Variants in TMED3 observed in about 807,000 individuals in gnomAD.
TMED3 encodes the protein transmembrane p24 trafficking protein 3, also known as transmembrane emp24 domain-containing protein 3.
A neutral mutation model predicts 15.0 loss-of-function variants in TMED3; 9 were observed. That is an observed-to-expected ratio of 0.60 (90% CI 0.36 to 1.04). The LOEUF (loss-of-function observed/expected upper bound fraction) is 1.04, where lower values mean the gene tolerates loss of function less well. TMED3 is among the 50% of genes least tolerant of loss of function. The pLI is 0.01. For synonymous variants in TMED3, 117 were observed against 121.4 expected, an observed-to-expected ratio of 0.96 and a Z score of 0.24; for missense variants, 267 against 278.9, an observed-to-expected ratio of 0.96 and a Z score of 0.30.
chr15:79,348,427 T>A lies in TMED3; in HGVS notation c.417+34422T>A, dbSNP rs188968527. On this transcript the variant is annotated intron_variant, in intron 2 of 2. Coordinates refer to the TMED3 transcript ENST00000424155. Reference sequence around the variant, plus strand: ...GTTTGCAATAGTAAAAAACCGAAAGTGAATTTACACATAAGAATGCTGATG... The same window carrying A: ...GTTTGCAATAGTAAAAAACCGAAAGAGAATTTACACATAAGAATGCTGATG... Among the ~76,000 whole-genome samples, 9 of 152,340 alleles carry A rather than the reference T, an allele frequency of 5.9e-5. No individual in the cohort carries two copies. In the East Asian group the frequency reaches 1.7e-3, roughly 29 times the overall value.
chr15:79,338,943 C>G (rs2058838562), intron 2 of TMED3, among the ~76,000 whole-genome samples: 1 of 152,128 alleles, frequency 6.6e-6, no homozygotes, highest in South Asian at 2.1e-4. Context: ...TTAGAGAAGA[C>G]TGTACTCCTC....
intron 2 of TMED3, among the ~76,000 whole-genome samples, chr15:79,320,855 A>G (rs2058763365): frequency 6.6e-6 from 1 of 152,172 alleles, no homozygotes; most frequent in Non-Finnish European, 1.5e-5. Flanking sequence ...CCCAAGCCTG[A>G]TGTCGAGGTG....
rs188192336 is a variant in TMED3 at position 79,391,135 on chromosome 15, G to A, written c.418-20265G>A. On this transcript the variant is annotated intron_variant, in intron 2 of 2. Coordinates refer to the TMED3 transcript ENST00000424155. Reference sequence around the variant, plus strand: ...CCTTTCTTCTGCTGGGTTTGAGTTTGGTTTGTTCTTGTTTCTCTAGTTTCT... The same window carrying A: ...CCTTTCTTCTGCTGGGTTTGAGTTTAGTTTGTTCTTGTTTCTCTAGTTTCT... Among the ~76,000 whole-genome samples the A allele has an allele frequency of 3.6e-3, 552 of 151,242 alleles. 5 individuals are homozygous for A. Among genetic ancestry groups the A allele is most frequent in the African/African-American group, 0.013 (520 of 41,214 alleles).
chr15:79,381,991 C>T (rs545350895), intron 2 of TMED3, among the ~76,000 whole-genome samples: 2 of 152,312 alleles, frequency 1.3e-5, no homozygotes, highest in East Asian at 3.9e-4. Flanking sequence ...CCCAGTTTCC[C>T]CATTAGTAAA....
At chr15:79,400,927 A>G (rs1310280329) in intron 2 of TMED3, among the ~76,000 whole-genome samples, 1 of 152,218 alleles carries the variant, frequency 6.6e-6, no homozygotes, top group Non-Finnish European at 1.5e-5. Flanking sequence ...CTGGCCTGCT[A>G]AGGTAGGCAT....
At chr15:79,353,296 TA>T (rs2058903883) in intron 2 of TMED3, among the ~76,000 whole-genome samples, 2 of 12,002 alleles carry the variant, frequency 1.7e-4, no homozygotes, top group Non-Finnish European at 3.0e-4. Flanking sequence ...ATTATATGTA[TA>T]TTATATATAT....
intron 2 of TMED3, among the ~76,000 whole-genome samples, chr15:79,380,598 T>G (rs62025990): frequency 0.63 from 91,827 of 146,200 alleles, 29,210 homozygotes; most frequent in East Asian, 0.84. Flanking sequence ...TATATATATA[T>G]ATAGAGAGAG....
At chr15:79,365,307 G>A (rs1011516303) in intron 2 of TMED3, among the ~76,000 whole-genome samples, 10 of 152,226 alleles carry the variant, frequency 6.6e-5, no homozygotes, top group Non-Finnish European at 1.0e-4. Context: ...TAAAGACTTG[G>A]GGTCAGCAGA....
At chr15:79,341,976 C>T (rs568733911) in intron 2 of TMED3, among the ~76,000 whole-genome samples, 207 of 152,150 alleles carry the variant, frequency 1.4e-3, no homozygotes, top group African/African-American at 5.0e-3. Flanking sequence ...GGCTGAGAAA[C>T]CTTGGTTGGT....
rs112792235 is a variant in TMED3 at position 79,402,820 on chromosome 15, G to A, written c.418-8580G>A. 4.9e-4 allele frequency among the ~76,000 whole-genome samples: 74 copies of A among 151,834 alleles called. 1 individual carries two copies. Among genetic ancestry groups the A allele is most frequent in the African/African-American group, 1.5e-3 (64 of 41,422 alleles). On this transcript the variant is annotated intron_variant, in intron 2 of 2. Transcript: ENST00000424155. Reference sequence around the variant, plus strand: ...TAAAAATAAAAAAATAAAAAGGGGGGCCAAGGAATAGGAGGTAAAGCATAA... The same window carrying A: ...TAAAAATAAAAAAATAAAAAGGGGGACCAAGGAATAGGAGGTAAAGCATAA...
chr15:79,407,512 G>A (rs1893916945), intron 2 of TMED3, among the ~76,000 whole-genome samples: 2 of 152,170 alleles, frequency 1.3e-5, no homozygotes, highest in Non-Finnish European at 1.5e-5. Context: ...TTGATCTGGA[G>A]GCAATGAGGG....
intron 2 of TMED3, among the ~76,000 whole-genome samples, chr15:79,335,223 G>C (rs955370575): frequency 1.3e-5 from 2 of 152,142 alleles, no homozygotes; most frequent in Admixed American, 1.3e-4. Context: ...AAGGTACCTT[G>C]CGTTTCAGGA....
In TMED3 at chr15:79,352,161, C is replaced by G. The variant is rs1016755976; in HGVS notation, c.417+38156C>G. ...GGGTGCACCAAAATATCAGAAATCACCACTAAAGAACTTATTCATGTAACC... is the reference window on the plus strand; with the variant it reads ...GGGTGCACCAAAATATCAGAAATCAGCACTAAAGAACTTATTCATGTAACC... On this transcript the variant is annotated intron_variant, in intron 2 of 2. Coordinates refer to the TMED3 transcript ENST00000424155. Among the ~76,000 whole-genome samples, 5 of 152,148 alleles carry G rather than the reference C, an allele frequency of 3.3e-5. No homozygotes were observed. In the South Asian group the frequency reaches 8.3e-4, roughly 25 times the overall value.
intron 2 of TMED3, among the ~76,000 whole-genome samples, chr15:79,367,620 T>G (rs1595902160): frequency 1.3e-5 from 2 of 152,312 alleles, no homozygotes; most frequent in Non-Finnish European, 2.9e-5. Flanking sequence ...GTGTTCTGGA[T>G]GGTCTTTGGC....
intron 2 of TMED3, among the ~76,000 whole-genome samples, chr15:79,354,503 A>G (rs1254586892): frequency 1.3e-5 from 2 of 152,042 alleles, no homozygotes; most frequent in Non-Finnish European, 2.9e-5. Flanking sequence ...GTCTTCTTCT[A>G]TGGATTCTGT....
intron 2 of TMED3, among the ~76,000 whole-genome samples, chr15:79,388,011 T>G (rs1477100299): frequency 6.6e-6 from 1 of 152,154 alleles, no homozygotes; most frequent in Non-Finnish European, 1.5e-5. Context: ...CTGGGCAGTC[T>G]GTGAGCACAA....
rs929713461 is a variant in TMED3 at position 79,311,200 on chromosome 15, C to T, written c.-50C>T. The T allele has an allele frequency of 6.5e-6, 10 of 1,540,496 alleles. No homozygotes were observed. The African/African-American group carries it at 9.7e-5, about 15-fold the overall frequency. On this transcript the variant is annotated 5_prime_UTR_variant, in exon 1 of 3. Transcript: ENST00000299705. ...GTCGGTAGTCGTCGCCCCAGCCCGC[C>T]GGGGGCGCAGCGCCCGAGCCGCGGC... is the stretch of plus-strand genomic sequence containing the variant.
intron 2 of TMED3, among the ~76,000 whole-genome samples, chr15:79,354,279 G>A (rs1480762992): frequency 6.6e-6 from 1 of 152,144 alleles, no homozygotes; most frequent in Admixed American, 6.5e-5. Context: ...ATGGAGGGCA[G>A]AGGAGGAGAC....
intron 2 of TMED3, among the ~76,000 whole-genome samples, chr15:79,365,089 G>A (rs1321942211): frequency 1.3e-5 from 2 of 152,260 alleles, no homozygotes; most frequent in South Asian, 4.1e-4. Flanking sequence ...GGTTTGAGCA[G>A]CGGAGACGAG....
Sources: gnomAD v4.1 joint callset for allele counts (sites outside exome capture counted in the v4.1 genomes callset) on GRCh38, gnomAD v4.1.1 for gene constraint, MANE v1.5 for transcripts, NCBI Gene and HGNC (gene_info 2026-07-23, HGNC 2026-07-21) for gene names.